Variants in KLHL14 observed in about 807,000 individuals in gnomAD.
The protein encoded by KLHL14 is kelch like family member 14.
Under a neutral mutation model 64.3 loss-of-function variants are expected in KLHL14, and 22 were observed. That is an observed-to-expected ratio of 0.34 (90% CI 0.24 to 0.49). KLHL14 has a LOEUF of 0.49. KLHL14 is among the 20% of genes least tolerant of loss of function. KLHL14 has a pLI of 0.99. For synonymous variants in KLHL14, 322 were observed against 333.4 expected (o/e 0.97, Z 0.37); for missense variants, 661 against 789.0 (o/e 0.84, Z 1.94).
chr18:32,742,420 T>C (rs1008816284), intron 2 of KLHL14, among the ~76,000 whole-genome samples: 2 of 152,180 alleles, frequency 1.3e-5, no homozygotes, highest in Non-Finnish European at 2.9e-5. Context: ...ATCGTATTAG[T>C]CAAAATCATT....
Position 32,739,505 on chromosome 18 carries a change from C to T in KLHL14, c.1069+2423G>A, listed in dbSNP as rs1219245141. Among the ~76,000 whole-genome samples the T allele has an allele frequency of 2.6e-5, 4 of 151,766 alleles. No individual in the cohort carries two copies. The East Asian group carries it at 7.7e-4, about 29-fold the overall frequency. ...TAGTCATAGTCTAGCAGGTAATAAA[C>T]TATATATTTTTAAGTACAAGTTCCA... On this transcript the variant is annotated intron_variant, in intron 3 of 8. Coordinates refer to ENST00000359358, the MANE Select transcript of KLHL14 (RefSeq NM_020805.3).
rs1163064492 is a variant in KLHL14 at position 32,683,714 on chromosome 18, T to A, written c.1239-3115A>T. Among the ~76,000 whole-genome samples the A allele has an allele frequency of 6.6e-6, 1 of 152,232 alleles. No homozygotes were observed. The highest frequency in any genetic ancestry group is 6.5e-5 in the Admixed American group (1 of 15,288). Reference sequence around the variant, plus strand: ...AAAGATTAATAATAATGCGTACAAATATACTTTACACTCTGCTTATTTTGC... The same window carrying A: ...AAAGATTAATAATAATGCGTACAAAAATACTTTACACTCTGCTTATTTTGC... On this transcript the variant is annotated intron_variant, in intron 5 of 8. Coordinates refer to ENST00000359358, the MANE Select transcript of KLHL14 (RefSeq NM_020805.3). This position sits in a 1 kb window ranked among gnomAD's most constrained non-coding sequence, Gnocchi z 4.2.
At chr18:32,763,575 G>T (rs1332527541) in intron 2 of KLHL14, among the ~76,000 whole-genome samples, 1 of 152,074 alleles carries the variant, frequency 6.6e-6, no homozygotes, top group Non-Finnish European at 1.5e-5. Context: ...GGCTTAAAGG[G>T]TGCTGTAAAG....
intron 2 of KLHL14, chr18:32,743,120 A>C (rs1345770123): frequency 1.3e-5 from 2 of 152,232 alleles, no homozygotes; most frequent in Non-Finnish European, 2.9e-5. Context: ...CTGATTTAAC[A>C]GTCGCTTTAC....
Position 32,770,271 on chromosome 18 carries a change from A to G in KLHL14, c.321T>C (p.Pro107=). 6.3e-7 allele frequency: 1 copy of G among 1,592,816 alleles called. No homozygotes were observed. Among genetic ancestry groups the G allele is most frequent in the Non-Finnish European group, 8.6e-7 (1 of 1,168,482 alleles). Residue 107 remains proline (P), a synonymous_variant, in exon 2 of 9, where the codon CCT becomes CCC. Coordinates refer to ENST00000359358, the MANE Select transcript of KLHL14 (RefSeq NM_020805.3). This position sits in a 1 kb window ranked among gnomAD's most constrained non-coding sequence, Gnocchi z 6.7. ...QPPPQEEPGT[P]SSSPDDKLLT... ...GCAGCTTGTCGTCGGGGGAGGAAGA[A>G]GGAGTCCCGGGCTCCTCCTGCGGCG...
At chr18:32,681,925 C>A (rs1418959657) in intron 5 of KLHL14, among the ~76,000 whole-genome samples, 7 of 152,134 alleles carry the variant, frequency 4.6e-5, no homozygotes, top group Non-Finnish European at 1.0e-4. Flanking sequence ...GTCACCCAAC[C>A]TCTCTCAGCC....
Position 32,770,827 on chromosome 18 carries a change from C to A in KLHL14, c.-43-193G>T, listed in dbSNP as rs1396249648. The A allele has an allele frequency of 4.1e-6, 2 of 489,330 alleles. No homozygotes were observed. The highest frequency in any genetic ancestry group is 7.2e-6 in the Non-Finnish European group (2 of 277,014). 30.3% of individuals were successfully genotyped at this position (489,330 alleles called of 1,614,324 possible). ...AGTCCGAAGACGCTGGATCCGTGAG[C>A]GCCACCAGAAGGGCCCTGTCTGGGG... On this transcript the variant is annotated intron_variant, in intron 1 of 8. Transcript: ENST00000359358. This position sits in a 1 kb window ranked among gnomAD's most constrained non-coding sequence, Gnocchi z 6.7.
intron 8 of KLHL14, among the ~76,000 whole-genome samples, chr18:32,675,765 C>T (rs1425444923): frequency 6.6e-6 from 1 of 152,100 alleles, no homozygotes; most frequent in Non-Finnish European, 1.5e-5. Flanking sequence ...TCTAAAAATG[C>T]CCCAATGTCT....
chr18:32,691,835 ACTTTT>A (rs1401915489), intron 4 of KLHL14, among the ~76,000 whole-genome samples: 1 of 151,950 alleles, frequency 6.6e-6, no homozygotes, highest in African/African-American at 2.4e-5. Flanking sequence ...ATTTTCCTCC[ACTTTT>A]CTTTTTTGTG....
At chr18:32,741,349 G>C (rs917760398) in intron 3 of KLHL14, among the ~76,000 whole-genome samples, 2 of 152,188 alleles carry the variant, frequency 1.3e-5, no homozygotes, top group Non-Finnish European at 2.9e-5. Context: ...TTTAGGAAGG[G>C]GAGGAGAAGA....
intron 2 of KLHL14, 86 bp from the exon 3 acceptor site, chr18:32,742,135 G>A: frequency 7.1e-7 from 1 of 1,411,294 alleles, no homozygotes; most frequent in Non-Finnish European, 9.7e-7. Flanking sequence ...ATCAAAGAAT[G>A]TTCCTTGCTT....
At chr18:32,759,506 AG>A (rs1216362124) in intron 2 of KLHL14, among the ~76,000 whole-genome samples, 1 of 152,228 alleles carries the variant, frequency 6.6e-6, no homozygotes, top group African/African-American at 2.4e-5. Context: ...TTTAACATTT[AG>A]AATTGCCCTA....
At chr18:32,769,532 A>T (rs2050365233) in intron 2 of KLHL14, 113 bp downstream of exon 2, 1 of 961,584 alleles carries the variant, frequency 1.0e-6, no homozygotes. Flanking sequence ...TCATCCTGCC[A>T]GAGCCACCCG....
At chr18:32,682,806 A>G (rs77567650) in intron 5 of KLHL14, among the ~76,000 whole-genome samples, 2 of 152,198 alleles carry the variant, frequency 1.3e-5, no homozygotes, top group Non-Finnish European at 2.9e-5. Flanking sequence ...ATCTACAAAA[A>G]TCCATCCTAA....
chr18:32,726,900 G>C (rs2144516086), intron 3 of KLHL14, among the ~76,000 whole-genome samples: 1 of 152,208 alleles, frequency 6.6e-6, no homozygotes, highest in South Asian at 2.1e-4. Flanking sequence ...TAAACATCCT[G>C]TTATTTTCCA....
chr18:32,739,022 A>C (rs1018998841), intron 3 of KLHL14, among the ~76,000 whole-genome samples: 2 of 152,162 alleles, frequency 1.3e-5, no homozygotes, highest in African/African-American at 2.4e-5. Flanking sequence ...TGTGAGGCAC[A>C]CTGAGAAATG....
chr18:32,730,849 T>A (rs1672865864), intron 3 of KLHL14, among the ~76,000 whole-genome samples: 1 of 152,182 alleles, frequency 6.6e-6, no homozygotes, highest in African/African-American at 2.4e-5. Context: ...TTTAAAAAAA[T>A]AAATTAAGAC....
chr18:32,759,625 C>T (rs2050303285), intron 2 of KLHL14, among the ~76,000 whole-genome samples: 1 of 152,084 alleles, frequency 6.6e-6, no homozygotes, highest in Non-Finnish European at 1.5e-5. Context: ...GAGATTTAAA[C>T]TAGCATTTGT....
At chr18:32,744,247 G>C (rs1046868558) in intron 2 of KLHL14, 1 of 152,210 alleles carries the variant, frequency 6.6e-6, no homozygotes, top group African/African-American at 2.4e-5. Flanking sequence ...GGCCAAAGCA[G>C]GTGGATCACC....
Sources: gnomAD v4.1 joint callset for allele counts (sites outside exome capture counted in the v4.1 genomes callset) on GRCh38, gnomAD v4.1.1 for gene constraint, Gnocchi (gnomAD v3.1) non-coding constraint, MANE v1.5 for transcripts, NCBI Gene and HGNC (gene_info 2026-07-23, HGNC 2026-07-21) for gene names.